Variants in FAM184A observed in about 807,000 individuals in gnomAD.
FAM184A encodes protein FAM184A.
FAM184A carries 99 observed loss-of-function variants against 143.8 expected under a neutral mutation model. That is an observed-to-expected ratio of 0.69 (90% CI 0.58 to 0.81). The LOEUF (loss-of-function observed/expected upper bound fraction) is 0.81, where lower values mean the gene tolerates loss of function less well. Ranked by LOEUF, FAM184A falls within the 40% of genes least tolerant of loss-of-function variation. The probability of loss-of-function intolerance (pLI) is 0.00; values close to 1 mark genes in which losing one functional copy is unlikely to be tolerated. For synonymous variants in FAM184A, 427 were observed against 446.4 expected (o/e 0.96, Z 0.55); for missense variants, 1,217 against 1,310.5 (o/e 0.93, Z 1.10).
At chr6:119,034,344 CTAAA>C (rs2114714472) in intron 1 of FAM184A, among the ~76,000 whole-genome samples, 1 of 151,834 alleles carries the variant, frequency 6.6e-6, no homozygotes, top group African/African-American at 2.4e-5. Flanking sequence ...GAACCCATCA[CTAAA>C]TATCTTAGTA....
intron 1 of FAM184A, among the ~76,000 whole-genome samples, chr6:119,040,158 C>T (rs1786267967): frequency 6.7e-6 from 1 of 149,026 alleles, no homozygotes; most frequent in South Asian, 2.1e-4. Flanking sequence ...TGCTCTGGAA[C>T]TTGCCTCAGT....
At chr6:119,020,933 G>T (rs910854341) in intron 3 of FAM184A, among the ~76,000 whole-genome samples, 3 of 152,172 alleles carry the variant, frequency 2.0e-5, no homozygotes, top group Non-Finnish European at 2.9e-5. Context: ...TCTCTTAAAT[G>T]ACAGCAAAAA....
intron 1 of FAM184A, among the ~76,000 whole-genome samples, chr6:119,113,769 C>T: frequency 6.6e-6 from 1 of 152,092 alleles, no homozygotes; most frequent in East Asian, 1.9e-4. Flanking sequence ...GTGAGACCCC[C>T]TGTCTCTACT....
chr6:119,024,061 T>G lies in FAM184A; in HGVS notation c.912A>C (p.Lys304Asn), dbSNP rs1485871735. Residue 304 changes from lysine to asparagine, a missense_variant, in exon 2 of 18, where the codon AAA becomes AAC. Transcript: ENST00000338891. ...QEAILRKTIGKLKTELQMVQD... is the reference protein window; with the variant it reads ...QEAILRKTIGNLKTELQMVQD... Reference sequence around the variant, plus strand: ...GTACCATCTGTAACTCTGTCTTTAATTTTCCTATAGTTTTTCGTAAAATTG... The same window carrying G: ...GTACCATCTGTAACTCTGTCTTTAAGTTTCCTATAGTTTTTCGTAAAATTG... 3 of 1,614,184 alleles carry G rather than the reference T, an allele frequency of 1.9e-6. No individual in the cohort carries two copies. The highest frequency in any genetic ancestry group is 2.5e-6 in the Non-Finnish European group (3 of 1,180,034).
At chr6:119,132,387 A>G (rs1789557523) in intron 1 of FAM184A, among the ~76,000 whole-genome samples, 1 of 152,214 alleles carries the variant, frequency 6.6e-6, no homozygotes, top group Non-Finnish European at 1.5e-5. Context: ...AAATCCTACT[A>G]GCTGGCTTGG....
Position 119,078,096 on chromosome 6 carries a change from C to G in FAM184A, c.159+45G>C, listed in dbSNP as rs1310629073. 2 of 1,542,584 alleles carry G rather than the reference C, an allele frequency of 1.3e-6. No homozygotes were observed. Among genetic ancestry groups the G allele is most frequent in the South Asian group, 2.4e-5 (2 of 83,856 alleles). On this transcript the variant is annotated intron_variant, in intron 1 of 17. Transcript: ENST00000338891. This position sits in a 1 kb window ranked among gnomAD's most constrained non-coding sequence, Gnocchi z 5.5. ...CCCGGGGAGACAGGTGAGTCCGGCG[C>G]GGCCCGCACGGGGTCGCCACCTGCC...
At chr6:119,114,160 G>C (rs1789002122) in intron 1 of FAM184A, among the ~76,000 whole-genome samples, 1 of 152,066 alleles carries the variant, frequency 6.6e-6, no homozygotes, top group Admixed American at 6.6e-5. Flanking sequence ...ATGAATAAGG[G>C]GTGCCTACAC....
intron 9 of FAM184A, among the ~76,000 whole-genome samples, chr6:118,994,362 T>C (rs1784473754): frequency 6.7e-6 from 1 of 148,162 alleles, no homozygotes; most frequent in Admixed American, 6.9e-5. Context: ...AATATGGAGG[T>C]GATGTGGGCC....
chr6:119,101,647 A>G (rs1284169509), intron 1 of FAM184A, among the ~76,000 whole-genome samples: 1 of 152,234 alleles, frequency 6.6e-6, no homozygotes, highest in Non-Finnish European at 1.5e-5. Flanking sequence ...CTTAAATTAT[A>G]TGTACAAATC....
intron 11 of FAM184A, among the ~76,000 whole-genome samples, chr6:118,978,154 A>T (rs1474767106): frequency 6.6e-6 from 1 of 152,062 alleles, no homozygotes; most frequent in African/African-American, 2.4e-5. Flanking sequence ...GTAGAGATGC[A>T]GTTTCACCAT....
At chr6:118,993,647 T>C (rs1285293045) in intron 9 of FAM184A, among the ~76,000 whole-genome samples, 1 of 152,246 alleles carries the variant, frequency 6.6e-6, no homozygotes, top group Non-Finnish European at 1.5e-5. Context: ...TAGTTTTTGC[T>C]ACTCTCTAAA....
chr6:119,100,209 T>C (rs937965704), intron 1 of FAM184A, among the ~76,000 whole-genome samples: 2 of 152,052 alleles, frequency 1.3e-5, no homozygotes, highest in Non-Finnish European at 2.9e-5. Flanking sequence ...TCCCAGGAAC[T>C]ATGGTGAGGG....
chr6:119,053,499 C>CAGCCT (rs1235971070), intron 1 of FAM184A, among the ~76,000 whole-genome samples: 2 of 152,186 alleles, frequency 1.3e-5, no homozygotes, highest in Non-Finnish European at 2.9e-5. Context: ...CTCTATGTAA[C>CAGCCT]AGCCTAACGC....
intron 1 of FAM184A, among the ~76,000 whole-genome samples, chr6:119,050,899 A>G (rs589865): frequency 0.83 from 126,258 of 152,076 alleles, 52,542 homozygotes; most frequent in East Asian, 0.95. Flanking sequence ...AACTCAGGAA[A>G]AGAAAACCAA....
chr6:119,073,890 G>A (rs1787779167), intron 1 of FAM184A, among the ~76,000 whole-genome samples: 1 of 152,190 alleles, frequency 6.6e-6, no homozygotes, highest in Non-Finnish European at 1.5e-5. Context: ...CTCTACGGAA[G>A]AGTGAACAAC....
chr6:119,003,706 T>G, intron 7 of FAM184A, 84 bp from the exon 8 acceptor site: 1 of 1,323,874 alleles, frequency 7.6e-7, no homozygotes, highest in East Asian at 2.6e-5. Flanking sequence ...GTGCTTGTAT[T>G]AAAACTTTTA....
chr6:119,147,486 C>G (rs1772489879), intron 1 of FAM184A, among the ~76,000 whole-genome samples: 2 of 152,172 alleles, frequency 1.3e-5, no homozygotes, highest in African/African-American at 2.4e-5. Context: ...TGAGTCATAG[C>G]AGGGATGACT....
At chr6:119,075,403 C>T (rs181470434) in intron 1 of FAM184A, among the ~76,000 whole-genome samples, 42 of 152,066 alleles carry the variant, frequency 2.8e-4, no homozygotes, top group African/African-American at 9.6e-4. Context: ...TACTATGTGC[C>T]GCTACAACTC....
At chr6:118,996,197 G>T (rs1285531902) in intron 9 of FAM184A, among the ~76,000 whole-genome samples, 1 of 152,064 alleles carries the variant, frequency 6.6e-6, no homozygotes, top group Non-Finnish European at 1.5e-5. Context: ...ATTTATCTTA[G>T]AAGAAAAAAT....
Sources: allele counts gnomAD v4.1 joint callset (sites outside exome capture counted in the v4.1 genomes callset), GRCh38; gene constraint gnomAD v4.1.1; non-coding constraint Gnocchi (gnomAD v3.1); transcripts MANE v1.5; gene names NCBI Gene and HGNC (gene_info 2026-07-23, HGNC 2026-07-21).